Variants in NCALD observed in about 807,000 individuals in gnomAD.
NCALD encodes the protein neurocalcin-delta.
In NCALD, 10 loss-of-function variants were observed where a neutral mutation model predicts 18.6. The ratio of observed to expected loss-of-function variants is 0.54; its 90% CI spans 0.33 to 0.91. The LOEUF is 0.91. NCALD is among the 40% of genes least tolerant of loss of function. The pLI is 0.03. For synonymous variants in NCALD, 88 were observed against 87.4 expected (o/e 1.01, Z -0.04); for missense variants, 184 against 247.6 (o/e 0.74, Z 1.72).
At chr8:101,932,434 C>T (rs1182864302) in intron 2 of NCALD, among the ~76,000 whole-genome samples, 1 of 152,166 alleles carries the variant, frequency 6.6e-6, no homozygotes, top group Non-Finnish European at 1.5e-5. Flanking sequence ...CAAACTAAGC[C>T]ATCTCCCAAT....
intron 4 of NCALD, among the ~76,000 whole-genome samples, chr8:101,879,055 G>C (rs1003278384): frequency 1.3e-5 from 2 of 152,172 alleles, no homozygotes; most frequent in African/African-American, 4.8e-5. Context: ...ACAGGAGCTG[G>C]ACATTGCCAC....
chr8:102,023,979 A>G (rs935739279), intron 1 of NCALD, among the ~76,000 whole-genome samples: 2 of 152,158 alleles, frequency 1.3e-5, no homozygotes, highest in Admixed American at 1.3e-4. Context: ...TGGCAGTTTC[A>G]CCCAGCTTCA....
At chr8:101,932,191 C>A (rs1440923481) in intron 2 of NCALD, among the ~76,000 whole-genome samples, 2 of 151,546 alleles carry the variant, frequency 1.3e-5, no homozygotes, top group Non-Finnish European at 1.5e-5. Context: ...TTTCAGCCTC[C>A]AGGCCCCCTC....
intron 4 of NCALD, among the ~76,000 whole-genome samples, chr8:101,832,548 A>C (rs898176472): frequency 2.0e-5 from 3 of 152,224 alleles, no homozygotes; most frequent in Non-Finnish European, 4.4e-5. Flanking sequence ...AATTCTGTTG[A>C]ATTTATAGTC....
chr8:102,003,872 C>T (rs900000349), intron 2 of NCALD, among the ~76,000 whole-genome samples: 11 of 152,070 alleles, frequency 7.2e-5, no homozygotes, highest in Admixed American at 1.3e-4. Context: ...ATTGATGGGA[C>T]GTATCTCAAA....
At chr8:101,966,616 AAAACTT>A (rs1820043245) in intron 2 of NCALD, among the ~76,000 whole-genome samples, 1 of 152,134 alleles carries the variant, frequency 6.6e-6, no homozygotes, top group Non-Finnish European at 1.5e-5. Flanking sequence ...CATGTACCCT[AAAACTT>A]AAAGTATAAT....
At position 101,763,497 on chromosome 8, in the gene NCALD, T is replaced by C. The variant is rs111707875; in HGVS notation, c.-20+27365A>G. 4.0e-3 allele frequency among the ~76,000 whole-genome samples: 614 copies of C among 152,280 alleles called. 7 individuals carry two copies. The highest frequency in any genetic ancestry group is 0.014 in the African/African-American group (568 of 41,560). On this transcript the variant is annotated intron_variant, in intron 1 of 3. Transcript: ENST00000220931. ...TGCCCAAAAGATCGACAGTCTAATT[T>C]TCAGACGTGCTGTGTGTGATCGTTC... is the stretch of plus-strand genomic sequence containing the variant.
chr8:102,112,675 T>C (rs1333208846), intron 1 of NCALD, among the ~76,000 whole-genome samples: 1 of 152,190 alleles, frequency 6.6e-6, no homozygotes, highest in Admixed American at 6.5e-5. Flanking sequence ...TATGTTGAAA[T>C]CTGATCCCCA....
At chr8:102,098,869 C>T (rs907593673) in intron 1 of NCALD, among the ~76,000 whole-genome samples, 1 of 152,202 alleles carries the variant, frequency 6.6e-6, no homozygotes, top group African/African-American at 2.4e-5. Context: ...GTGATTGGCT[C>T]AGGGATGAGC....
At chr8:101,864,282 C>T (rs935204390) in intron 4 of NCALD, among the ~76,000 whole-genome samples, 53 of 152,266 alleles carry the variant, frequency 3.5e-4, no homozygotes, top group Middle Eastern at 3.4e-3. Flanking sequence ...AATGTGTCTA[C>T]TCGACACACA....
intron 4 of NCALD, among the ~76,000 whole-genome samples, chr8:101,853,841 C>G (rs1815196379): frequency 6.6e-6 from 1 of 152,096 alleles, no homozygotes; most frequent in African/African-American, 2.4e-5. Context: ...CTGCTCCCCC[C>G]ATTTCCATTT....
chr8:102,074,372 A>G (rs561455195), intron 1 of NCALD, among the ~76,000 whole-genome samples: 3 of 152,336 alleles, frequency 2.0e-5, no homozygotes, highest in Admixed American at 2.0e-4. Flanking sequence ...ACAGTCTGGT[A>G]TCTGTGGGTT....
At chr8:101,863,171 C>T (rs1444971855) in intron 4 of NCALD, among the ~76,000 whole-genome samples, 1 of 152,212 alleles carries the variant, frequency 6.6e-6, no homozygotes, top group Non-Finnish European at 1.5e-5. Flanking sequence ...ACTCCATCAC[C>T]TCTCATTCTC....
At chr8:102,112,377 C>T (rs1225728299) in intron 1 of NCALD, among the ~76,000 whole-genome samples, 1 of 152,142 alleles carries the variant, frequency 6.6e-6, no homozygotes, top group African/African-American at 2.4e-5. Flanking sequence ...AATCCAGCTC[C>T]AGAAGGGATG....
At chr8:101,769,536 T>C (rs1433099465) in intron 1 of NCALD, among the ~76,000 whole-genome samples, 2 of 152,190 alleles carry the variant, frequency 1.3e-5, no homozygotes, top group East Asian at 3.8e-4. Context: ...GTGGCTCACA[T>C]TGATTCACTG....
intron 3 of NCALD, among the ~76,000 whole-genome samples, chr8:101,890,111 G>A (rs1421166838): frequency 6.6e-6 from 1 of 152,076 alleles, no homozygotes; most frequent in African/African-American, 2.4e-5. Context: ...TGCAACACTT[G>A]AAATGAACAA....
At chr8:102,121,812 C>T (rs1457617979) in intron 1 of NCALD, among the ~76,000 whole-genome samples, 1 of 152,150 alleles carries the variant, frequency 6.6e-6, no homozygotes, top group South Asian at 2.1e-4. Flanking sequence ...TTCTTTTGAC[C>T]AACTCTTGAT....
chr8:101,862,973 C>T (rs1815606524), intron 4 of NCALD, among the ~76,000 whole-genome samples: 1 of 152,240 alleles, frequency 6.6e-6, no homozygotes, highest in Non-Finnish European at 1.5e-5. Context: ...TTTCTGTCAT[C>T]TTCAGAAGTG....
chr8:101,761,057 A>G (rs1206724474), intron 1 of NCALD, among the ~76,000 whole-genome samples: 1 of 151,462 alleles, frequency 6.6e-6, no homozygotes, highest in Non-Finnish European at 1.5e-5. Flanking sequence ...CTGCTGCTCT[A>G]TTGACTTCCT....
Sources: allele counts gnomAD v4.1 joint callset (sites outside exome capture counted in the v4.1 genomes callset), GRCh38; gene constraint gnomAD v4.1.1; transcripts MANE v1.5; gene names NCBI Gene and HGNC (gene_info 2026-07-23, HGNC 2026-07-21).